The following AGBL1 variants were observed in gnomAD, a reference collection of about 807,000 sequenced individuals.
The protein encoded by AGBL1 is AGBL carboxypeptidase 1.
Under a neutral mutation model 118.9 loss-of-function variants are expected in AGBL1, and 130 were observed. That is an observed-to-expected ratio of 1.09 (90% CI 0.95 to 1.26). The LOEUF (loss-of-function observed/expected upper bound fraction) is 1.26, where lower values mean the gene tolerates loss of function less well. Among genes scored for constraint, AGBL1 ranks in the 50% most tolerant of loss-of-function variants. AGBL1 has a pLI of 0.00. For synonymous variants in AGBL1, 555 were observed against 478.9 expected (o/e 1.16, Z -2.08); for missense variants, 1,584 against 1,298.1 (o/e 1.22, Z -3.38).
At chr15:86,839,902 C>T (rs2079221616) in intron 22 of AGBL1, among the ~76,000 whole-genome samples, 1 of 152,142 alleles carries the variant, frequency 6.6e-6, no homozygotes, top group Admixed American at 6.5e-5. Flanking sequence ...GATGTTTATA[C>T]AAATCAAATC....
chr15:86,227,318 T>C (rs955296241), intron 6 of AGBL1, among the ~76,000 whole-genome samples: 1 of 152,266 alleles, frequency 6.6e-6, no homozygotes. Flanking sequence ...CTATACATCT[T>C]TGGTGTTAAT....
downstream of AGBL1, among the ~76,000 whole-genome samples, chr15:86,917,573 T>A (rs369717158): frequency 3.3e-5 from 5 of 152,164 alleles, no homozygotes; most frequent in Non-Finnish European, 7.3e-5. The surrounding 1 kb of genome is among the most constrained non-coding windows in gnomAD (Gnocchi z 4.8). Context: ...AGTAAACATA[T>A]GCGGATCACC....
intron 18 of AGBL1, among the ~76,000 whole-genome samples, chr15:86,481,577 C>A (rs1035753246): frequency 6.6e-6 from 1 of 152,174 alleles, no homozygotes; most frequent in South Asian, 2.1e-4. Context: ...CACGACTATC[C>A]TGTTTTTGGA....
chr15:87,015,186 T>C (rs1394710748), intron 24 of AGBL1, among the ~76,000 whole-genome samples: 1 of 152,146 alleles, frequency 6.6e-6, no homozygotes, highest in African/African-American at 2.4e-5. Context: ...TCTCAAGTCT[T>C]TGGTCTTGGA....
At chr15:86,134,255 C>G (rs1265136425) in intron 1 of AGBL1, among the ~76,000 whole-genome samples, 1 of 152,188 alleles carries the variant, frequency 6.6e-6, no homozygotes, top group Admixed American at 6.5e-5. Context: ...AGTGGACCAT[C>G]TCTAGTGAGT....
At chr15:86,810,001 A>T (rs919798864) in intron 22 of AGBL1, among the ~76,000 whole-genome samples, 12 of 152,146 alleles carry the variant, frequency 7.9e-5, no homozygotes, top group Middle Eastern at 3.2e-3. Flanking sequence ...CCAGATTTTT[A>T]AAAAAATCTC....
intron 22 of AGBL1, among the ~76,000 whole-genome samples, chr15:86,757,616 G>T (rs2077960434): frequency 6.6e-6 from 1 of 152,090 alleles, no homozygotes; most frequent in Non-Finnish European, 1.5e-5. Context: ...AAACAGAAAA[G>T]AAAATGGATA....
intron 22 of AGBL1, among the ~76,000 whole-genome samples, chr15:86,862,643 C>T (rs762310344): frequency 2.5e-4 from 38 of 152,180 alleles, no homozygotes; most frequent in Admixed American, 2.0e-4. Context: ...CTCACTTGAC[C>T]TGGGAGGCAA....
intron 21 of AGBL1, among the ~76,000 whole-genome samples, chr15:86,667,706 T>C: frequency 6.6e-6 from 1 of 152,304 alleles, no homozygotes; most frequent in East Asian, 1.9e-4. Flanking sequence ...TTCCTTTTCC[T>C]TCTTCTTGGC....
At chr15:87,026,290 AC>A (rs1180057200) in intron 24 of AGBL1, among the ~76,000 whole-genome samples, 1 of 152,062 alleles carries the variant, frequency 6.6e-6, no homozygotes, top group East Asian at 1.9e-4. Context: ...TCTACAATGA[AC>A]TCAAACAAAT....
chr15:87,001,435 T>A (rs1407741761), intron 24 of AGBL1, among the ~76,000 whole-genome samples: 1 of 152,026 alleles, frequency 6.6e-6, no homozygotes, highest in Non-Finnish European at 1.5e-5. Flanking sequence ...AGTGCCACAA[T>A]AAATATGTGT....
In AGBL1 at chr15:86,241,878, G is replaced by C. The variant is rs143600391; in HGVS notation, c.527-5793G>C. On this transcript the variant is annotated intron_variant, in intron 6 of 22. Transcript: ENST00000614907. ...CCCTGAAGCTTCTGTTCTTCTTGTT[G>C]TTATGATTTGGCTGTGTCTCTACTG... is the stretch of plus-strand genomic sequence containing the variant. Among the ~76,000 whole-genome samples the C allele has an allele frequency of 1.1e-3, 167 of 152,252 alleles. 3 individuals are homozygous for C. The East Asian group carries it at 0.027, about 25-fold the overall frequency.
intron 1 of AGBL1, among the ~76,000 whole-genome samples, chr15:86,109,200 CA>C (rs1223351410): frequency 9.2e-5 from 14 of 152,102 alleles, no homozygotes; most frequent in Non-Finnish European, 1.8e-4. Flanking sequence ...TAATAATAAC[CA>C]GGGGTAGATC....
intron 5 of AGBL1, among the ~76,000 whole-genome samples, chr15:86,224,266 T>C (rs549863447): frequency 1.3e-4 from 20 of 152,314 alleles, no homozygotes; most frequent in African/African-American, 4.6e-4. Context: ...AGGAAACAGA[T>C]TGAAAAGCCA....
intron 15 of AGBL1, among the ~76,000 whole-genome samples, chr15:86,274,595 C>G (rs930160711): frequency 9.9e-5 from 15 of 152,196 alleles, no homozygotes; most frequent in African/African-American, 3.6e-4. Flanking sequence ...GTTCCCACTT[C>G]TCCCTTTGGA....
intron 21 of AGBL1, among the ~76,000 whole-genome samples, chr15:86,621,574 T>C (rs899732758): frequency 2.0e-5 from 3 of 152,188 alleles, no homozygotes; most frequent in Non-Finnish European, 4.4e-5. Context: ...GAAAGGATAA[T>C]AGTCATTGGA....
At chr15:86,707,193 A>T (rs999546612) in intron 22 of AGBL1, among the ~76,000 whole-genome samples, 2 of 152,130 alleles carry the variant, frequency 1.3e-5, no homozygotes, top group Non-Finnish European at 2.9e-5. Context: ...GTCTCTTCTC[A>T]TAACACTACA....
intron 18 of AGBL1, among the ~76,000 whole-genome samples, chr15:86,472,031 G>T (rs934788844): frequency 6.6e-6 from 1 of 152,306 alleles, no homozygotes; most frequent in East Asian, 1.9e-4. Flanking sequence ...ACCACTGACT[G>T]GTGTGATGCA....
In AGBL1 at chr15:86,910,812, A is replaced by C. The variant is rs1481844572; in HGVS notation, c.*3518A>C. 6.6e-6 allele frequency: 1 copy of C among 152,178 alleles called. No individual in the cohort carries two copies. The highest frequency in any genetic ancestry group is 2.4e-5 in the African/African-American group (1 of 41,434). The allele number at this position is 152,178 out of a possible 1,614,324, so 9.4% of individuals were successfully genotyped here. Reference sequence around the variant, plus strand: ...GAGCACCTAAGCCCAGGTGTCAGTGAGTTGGGAAGGCAATTGATTGGAGGG... The same window carrying C: ...GAGCACCTAAGCCCAGGTGTCAGTGCGTTGGGAAGGCAATTGATTGGAGGG... On this transcript the variant is annotated 3_prime_UTR_variant, in exon 23 of 23. Coordinates refer to ENST00000614907, the MANE Select transcript of AGBL1 (RefSeq NM_001386094.1).
Sources: gnomAD v4.1 joint callset for allele counts (sites outside exome capture counted in the v4.1 genomes callset) on GRCh38, gnomAD v4.1.1 for gene constraint, Gnocchi (gnomAD v3.1) non-coding constraint, MANE v1.5 for transcripts, NCBI Gene and HGNC (gene_info 2026-07-23, HGNC 2026-07-21) for gene names.